Variants in PALB2 observed in about 807,000 individuals in gnomAD.
The protein encoded by PALB2 is partner and localizer of BRCA2, also known as mutant partner and localizer of BRCA2.
In PALB2, 82 loss-of-function variants were observed where a neutral mutation model predicts 107.4. The ratio of observed to expected loss-of-function variants is 0.76; its 90% CI spans 0.64 to 0.92. The LOEUF (loss-of-function observed/expected upper bound fraction) is 0.92. PALB2 is among the 40% of genes least tolerant of loss of function. PALB2 has a pLI of 0.00. For synonymous variants in PALB2, 489 were observed against 496.8 expected, an observed-to-expected ratio of 0.98 and a Z score of 0.21; for missense variants, 1,374 against 1,379.9, an observed-to-expected ratio of 1.00 and a Z score of 0.07.
intron 11 of PALB2, among the ~76,000 whole-genome samples, chr16:23,609,729 G>C (rs960934591): frequency 1.3e-5 from 2 of 152,158 alleles, no homozygotes; most frequent in Non-Finnish European, 2.9e-5. Flanking sequence ...TGTTAGCCAG[G>C]ATGGTCTCGA....
rs2142344832 is a variant in PALB2 at position 23,624,102 on chromosome 16, A to C, written c.2749-8T>G. The C allele has an allele frequency of 6.3e-7, 1 of 1,586,448 alleles. No homozygotes were observed. Among genetic ancestry groups the C allele is most frequent in the Non-Finnish European group, 8.7e-7 (1 of 1,155,342 alleles). On this transcript the variant is annotated splice_polypyrimidine_tract_variant and splice_region_variant and intron_variant, in intron 7 of 12. Coordinates refer to ENST00000261584, the MANE Select transcript of PALB2 (RefSeq NM_024675.4). ...TATCTGTAATACTGGAACCTAAATA[A>C]AACAAAGCAGCCAAAAATTATGCTT...
At chr16:23,610,038 G>A (rs1461786462) in intron 11 of PALB2, among the ~76,000 whole-genome samples, 2 of 152,138 alleles carry the variant, frequency 1.3e-5, no homozygotes, top group Admixed American at 1.3e-4. Flanking sequence ...TGAAATGGCT[G>A]AAAAACATCA....
chr16:23,632,726 T>G (rs1016049590), intron 4 of PALB2, among the ~76,000 whole-genome samples: 1 of 152,234 alleles, frequency 6.6e-6, no homozygotes, highest in Non-Finnish European at 1.5e-5. Context: ...ATGGTTAATT[T>G]TGTTACGTGA....
At chr16:23,621,795 T>C (rs569503821) in intron 9 of PALB2, among the ~76,000 whole-genome samples, 2 of 152,176 alleles carry the variant, frequency 1.3e-5, no homozygotes, top group African/African-American at 2.4e-5. Flanking sequence ...AGTTTCAGGG[T>C]TGGTCACCAC....
intron 10 of PALB2, among the ~76,000 whole-genome samples, chr16:23,617,431 CA>C (rs2142312275): frequency 6.6e-6 from 1 of 151,910 alleles, no homozygotes; most frequent in South Asian, 2.1e-4. Flanking sequence ...AATTAAAAAT[CA>C]AGGCAGGCCA....
chr16:23,631,429 A>G (rs1966877011), intron 4 of PALB2, among the ~76,000 whole-genome samples: 1 of 151,996 alleles, frequency 6.6e-6, no homozygotes, highest in Non-Finnish European at 1.5e-5. Flanking sequence ...AAACTGCACC[A>G]CTGCACTCCA....
rs1967245104 is a variant in PALB2 at position 23,641,291 on chromosome 16, A to ACCC, written c.-135_-134insGGG. ...CCCGGGATCGCACCCTCAGTGCGCG[A>ACCC]TCAGCTGACCCACGCGGGCCAAGCG... On this transcript the variant is annotated 5_prime_UTR_variant, in exon 1 of 13. Coordinates refer to ENST00000261584, the MANE Select transcript of PALB2 (RefSeq NM_024675.4). 1.1e-5 allele frequency: 13 copies of ACCC among 1,234,144 alleles called. No homozygotes were observed. In the South Asian group the frequency reaches 1.7e-4, roughly 16 times the overall value. The allele number at this position is 1,234,144 out of a possible 1,614,324, so 76.4% of individuals were successfully genotyped here.
At chr16:23,637,700 C>T in intron 3 of PALB2, 150 bp downstream of exon 3, 1 of 671,976 alleles carries the variant, frequency 1.5e-6, no homozygotes, top group Non-Finnish European at 2.5e-6. Context: ...GAGTGAGACT[C>T]TGTCTCAAAA....
chr16:23,641,056 C>T lies in PALB2; in HGVS notation c.48+54G>A, dbSNP rs1597105791. ...CGAGGACACAAAGCCAGGCCTAAAA[C>T]CCTGGGAAAGCGGGGTCAGAGTCCT... On this transcript the variant is annotated intron_variant, in intron 1 of 12. Coordinates refer to ENST00000261584, the MANE Select transcript of PALB2 (RefSeq NM_024675.4). 3.1e-6 allele frequency: 5 copies of T among 1,599,054 alleles called. No individual in the cohort carries two copies. In the East Asian group the frequency reaches 9.0e-5, roughly 29 times the overall value.
rs551578199 is a variant in PALB2, at chr16:23,624,535, C to T, written c.2749-441G>A. On this transcript the variant is annotated intron_variant, in intron 7 of 12. Transcript: ENST00000261584. ...AACAAGGAAATTTTTTTTTTTGAGTCGGAGTTTCACTCTTGTTGCCCAGCC... is the reference window on the plus strand; with the variant it reads ...AACAAGGAAATTTTTTTTTTTGAGTTGGAGTTTCACTCTTGTTGCCCAGCC... Among the ~76,000 whole-genome samples, 9 of 151,506 alleles carry T rather than the reference C, an allele frequency of 5.9e-5. No homozygotes were observed. In the South Asian group the frequency reaches 6.3e-4, roughly 11 times the overall value.
chr16:23,622,150 A>G (rs1966783633), intron 9 of PALB2, among the ~76,000 whole-genome samples: 3 of 152,216 alleles, frequency 2.0e-5, no homozygotes, highest in Admixed American at 6.6e-5. Context: ...ATAAAGTGTA[A>G]TGAGTATATA....
In PALB2 at chr16:23,615,479, A is replaced by AT. The variant is rs532659819; in HGVS notation, c.3114-1389dup. Among the ~76,000 whole-genome samples the AT allele has an allele frequency of 8.1e-4, 122 of 150,762 alleles. 2 individuals are homozygous for AT. Among genetic ancestry groups the AT allele is most frequent in the Non-Finnish European group, 1.3e-3 (85 of 67,694 alleles). ...GCCACCATGCCTGAATAATTTTTTA[A>AT]TTTTTTGTAGAGACAGGGTTTCACT... On this transcript the variant is annotated intron_variant, in intron 10 of 12. Coordinates refer to ENST00000261584, the MANE Select transcript of PALB2 (RefSeq NM_024675.4).
chr16:23,630,166 C>A lies in PALB2; in HGVS notation c.1988G>T (p.Arg663Leu), dbSNP rs1462734899. The change falls in exon 5 of 13, where the codon CGC (arginine) becomes CTC (leucine). Residue 663 changes from arginine to leucine, a missense_variant. Coordinates refer to ENST00000261584, the MANE Select transcript of PALB2 (RefSeq NM_024675.4). ...CIFPEELSPK[R>L]MDTEMEDLEE... ...TAAGTCCTCCATTTCTGTATCCATGCGTTTAGGACTCAGTTCCTCTGGAAA... is the reference window on the plus strand; with the variant it reads ...TAAGTCCTCCATTTCTGTATCCATGAGTTTAGGACTCAGTTCCTCTGGAAA... The A allele has an allele frequency of 6.2e-7, 1 of 1,614,142 alleles. No individual in the cohort carries two copies. The highest frequency in any genetic ancestry group is 8.5e-7 in the Non-Finnish European group (1 of 1,180,028).
intron 9 of PALB2, 87 bp downstream of exon 9, chr16:23,622,882 G>A (rs1018821818): frequency 4.7e-6 from 7 of 1,488,226 alleles, no homozygotes; most frequent in East Asian, 2.3e-5. Flanking sequence ...ACAGAAAAAC[G>A]AGATCCTAGT....
chr16:23,639,054 A>T (rs1967136458), intron 1 of PALB2, among the ~76,000 whole-genome samples: 1 of 152,110 alleles, frequency 6.6e-6, no homozygotes, highest in Admixed American at 6.6e-5. Flanking sequence ...GGCTGAATCA[A>T]ATTACTGTTC....
rs864622170 is a variant in PALB2, at chr16:23,634,983, G to T, written c.1563C>A (p.Thr521=). 1 of 1,614,162 alleles carries T rather than the reference G, an allele frequency of 6.2e-7. No homozygotes were observed. Among genetic ancestry groups the T allele is most frequent in the Non-Finnish European group, 8.5e-7 (1 of 1,180,050 alleles). Residue 521 remains threonine (T), a synonymous_variant, in exon 4 of 13, where the codon ACC becomes ACA. Coordinates refer to ENST00000261584, the MANE Select transcript of PALB2 (RefSeq NM_024675.4). The stretch of plus-strand genomic sequence containing the variant: ...GTGGTTCACAATGATCTGATGCTGG[G>T]GTGCAGGCTGATTTTCTTTTTCCTG... The part of the protein sequence containing the change: ...RYTGKRKSAC[T]PASDHCEPLL...
intron 2 of PALB2, 31 bp from the exon 3 acceptor site, chr16:23,637,983 C>A (rs372196965): frequency 6.2e-7 from 1 of 1,605,496 alleles, no homozygotes. Flanking sequence ...CCCAGAAATA[C>A]GTTTTCTTTA....
At chr16:23,631,769 A>G (rs967297446) in intron 4 of PALB2, among the ~76,000 whole-genome samples, 7 of 152,192 alleles carry the variant, frequency 4.6e-5, no homozygotes, top group African/African-American at 1.4e-4. Context: ...CTGCCAGAGT[A>G]TGTTCTACAA....
rs1368473544 is a variant in PALB2 at position 23,635,542 on chromosome 16, T to C, written c.1004A>G (p.Asn335Ser). The change falls in exon 4 of 13, where the codon AAT (asparagine) becomes AGT (serine). Residue 335 changes from asparagine (N) to serine (S), a missense_variant. Physicochemically the swap from Asn to Ser is conservative, Grantham distance 46 (BLOSUM62 1). Transcript: ENST00000261584. ...ISCSLNELTY[N>S]NLPANENQNL... ...TTGGTTTTCATTTGCTGGTAAGTTA[T>C]TGTAGGTGAGTTCATTTAGAGAACA... The C allele has an allele frequency of 2.5e-6, 4 of 1,613,404 alleles. No individual in the cohort carries two copies. The highest frequency in any genetic ancestry group is 1.3e-5 in the African/African-American group (1 of 74,812).
Sources: gnomAD v4.1 joint callset for allele counts (sites outside exome capture counted in the v4.1 genomes callset) on GRCh38, gnomAD v4.1.1 for gene constraint, MANE v1.5 for transcripts, NCBI Gene and HGNC (gene_info 2026-07-23, HGNC 2026-07-21) for gene names.